Variants in OPCML observed in about 807,000 individuals in gnomAD.
The protein encoded by OPCML is opioid-binding protein/cell adhesion molecule.
Under a neutral mutation model 37.8 loss-of-function variants are expected in OPCML, and 13 were observed. The observed-to-expected ratio is 0.34, with a 90% CI of 0.22 to 0.55. OPCML has a LOEUF of 0.55. OPCML is among the 20% of genes least tolerant of loss of function. The probability of loss-of-function intolerance (pLI) is 0.91; values close to 1 mark genes in which losing one functional copy is unlikely to be tolerated. For missense variants in OPCML, 341 were observed against 435.6 expected, an observed-to-expected ratio of 0.78 and a Z score of 1.93; for synonymous variants, 176 against 168.8, an observed-to-expected ratio of 1.04 and a Z score of -0.33.
At chr11:132,660,459 G>A (rs1941918485) in intron 2 of OPCML, among the ~76,000 whole-genome samples, 1 of 152,008 alleles carries the variant, frequency 6.6e-6, no homozygotes, top group African/African-American at 2.4e-5. Context: ...TTATAACATG[G>A]CATCAAATTC....
intron 1 of OPCML, chr11:133,418,048 G>C (rs1945806402): frequency 7.1e-6 from 7 of 984,654 alleles, no homozygotes; most frequent in Non-Finnish European, 8.4e-6. Context: ...ACAGGGCAGA[G>C]AGAACTGCTT....
At chr11:133,012,615 C>T (rs1289396167) in intron 1 of OPCML, among the ~76,000 whole-genome samples, 3 of 152,152 alleles carry the variant, frequency 2.0e-5, no homozygotes, top group Admixed American at 6.5e-5. Context: ...GTGGCTCACA[C>T]CTGTAATCCC....
At chr11:132,508,509 C>G (rs912737735) in intron 4 of OPCML, among the ~76,000 whole-genome samples, 14 of 151,998 alleles carry the variant, frequency 9.2e-5, no homozygotes, top group Admixed American at 9.2e-4. Context: ...CACACACACT[C>G]TGTTATGGTT....
rs1480098056 is a variant in OPCML, at chr11:132,682,165, C to T, written c.147-24846G>A. On this transcript the variant is annotated intron_variant, in intron 2 of 7. Transcript: ENST00000524381. ...GCTCACCCACGCTCCTGCACCCTCT[C>T]ACCTGAGTGCTCTCTCTCCCACAAG... Among the ~76,000 whole-genome samples, 16 of 152,180 alleles carry T rather than the reference C, an allele frequency of 1.1e-4. No homozygotes were observed. In the East Asian group the frequency reaches 3.1e-3, roughly 29 times the overall value.
At chr11:133,215,261 C>T (rs778172870) in intron 1 of OPCML, among the ~76,000 whole-genome samples, 7 of 152,116 alleles carry the variant, frequency 4.6e-5, no homozygotes, top group Non-Finnish European at 7.3e-5. Flanking sequence ...TTGAGACTTG[C>T]ACAAACACCC....
chr11:132,433,863 A>C (rs922488998), intron 7 of OPCML, among the ~76,000 whole-genome samples: 4 of 152,238 alleles, frequency 2.6e-5, no homozygotes, highest in Non-Finnish European at 5.9e-5. Flanking sequence ...AGAAACCTGC[A>C]TCTTGGACTT....
chr11:132,645,904 A>G (rs1941124855), intron 3 of OPCML, among the ~76,000 whole-genome samples: 2 of 152,226 alleles, frequency 1.3e-5, no homozygotes, highest in South Asian at 4.1e-4. Context: ...GGTCTATTGG[A>G]CAGTACTGCT....
intron 3 of OPCML, among the ~76,000 whole-genome samples, chr11:132,654,076 T>C (rs1272221786): frequency 6.6e-6 from 1 of 152,148 alleles, no homozygotes; most frequent in Non-Finnish European, 1.5e-5. Flanking sequence ...TAACACTATG[T>C]CTGAAAAATT....
intron 4 of OPCML, among the ~76,000 whole-genome samples, chr11:132,481,243 G>A (rs1178350044): frequency 6.6e-6 from 1 of 151,976 alleles, no homozygotes; most frequent in African/African-American, 2.4e-5. Flanking sequence ...CCAAGCAAAT[G>A]GAAAACAAAG....
chr11:132,534,743 A>T (rs1045961919), intron 3 of OPCML, among the ~76,000 whole-genome samples: 4 of 152,146 alleles, frequency 2.6e-5, no homozygotes, highest in Non-Finnish European at 5.9e-5. Context: ...TACAATGGGG[A>T]TGAAAAACTT....
intron 2 of OPCML, among the ~76,000 whole-genome samples, chr11:132,936,517 C>A (rs548414820): frequency 7.8e-4 from 119 of 152,246 alleles, no homozygotes; most frequent in Non-Finnish European, 1.5e-3. Flanking sequence ...GTTTCACTAG[C>A]ATCGGCATGT....
chr11:133,148,625 G>C (rs1360224000), intron 1 of OPCML, among the ~76,000 whole-genome samples: 1 of 152,100 alleles, frequency 6.6e-6, no homozygotes, highest in Non-Finnish European at 1.5e-5. Context: ...CCGCCCTGCA[G>C]GGGGCGAAGA....
chr11:132,431,570 G>A (rs530092961), intron 7 of OPCML, among the ~76,000 whole-genome samples: 35 of 152,180 alleles, frequency 2.3e-4, no homozygotes, highest in Non-Finnish European at 4.3e-4. Flanking sequence ...TCATATCAGT[G>A]CCAACAGCTG....
At chr11:133,172,238 G>A (rs1310025222) in intron 1 of OPCML, among the ~76,000 whole-genome samples, 1 of 152,154 alleles carries the variant, frequency 6.6e-6, no homozygotes, top group African/African-American at 2.4e-5. Context: ...GAACATGACA[G>A]TTACTGAATT....
At chr11:132,736,287 A>G (rs1008707453) in intron 2 of OPCML, among the ~76,000 whole-genome samples, 3 of 152,216 alleles carry the variant, frequency 2.0e-5, no homozygotes, top group Non-Finnish European at 4.4e-5. Context: ...AAGGAAGCAC[A>G]CTGAAGGACC....
At chr11:133,414,514 T>C (rs910204981) in intron 1 of OPCML, among the ~76,000 whole-genome samples, 56 of 151,980 alleles carry the variant, frequency 3.7e-4, no homozygotes, top group African/African-American at 1.2e-3. Context: ...TAAATCCTGG[T>C]TTTCAGGTAG....
At chr11:133,025,168 G>C in intron 1 of OPCML, 3 of 530,242 alleles carry the variant, frequency 5.7e-6, no homozygotes, top group Non-Finnish European at 7.2e-6. Flanking sequence ...ACAACCCAAT[G>C]GTAAGCATAA....
intron 3 of OPCML, among the ~76,000 whole-genome samples, chr11:132,598,975 G>C (rs1937637173): frequency 6.6e-6 from 1 of 152,154 alleles, no homozygotes; most frequent in Non-Finnish European, 1.5e-5. Flanking sequence ...CTATTCAGCA[G>C]ACAGAAAACC....
At chr11:132,733,577 G>A (rs79145488) in intron 2 of OPCML, among the ~76,000 whole-genome samples, 35 of 152,080 alleles carry the variant, frequency 2.3e-4, no homozygotes, top group African/African-American at 7.0e-4. Context: ...ATAATTGTGC[G>A]GCCTTTTGAG....
Sources: allele counts gnomAD v4.1 joint callset (sites outside exome capture counted in the v4.1 genomes callset), GRCh38; gene constraint gnomAD v4.1.1; transcripts MANE v1.5; gene names NCBI Gene and HGNC (gene_info 2026-07-23, HGNC 2026-07-21).